PARD3: variants seen among roughly 807,000 people sequenced by gnomAD.
The protein encoded by PARD3 is par-3 family cell polarity regulator.
Under a neutral mutation model 155.4 loss-of-function variants are expected in PARD3, and 75 were observed. That is an observed-to-expected ratio of 0.48 (90% CI 0.40 to 0.58). The LOEUF is 0.58. Among genes scored for constraint, PARD3 ranks in the 20% least tolerant of loss-of-function variants. The probability of loss-of-function intolerance (pLI) is 0.00; values close to 1 mark genes in which losing one functional copy is unlikely to be tolerated. For missense variants in PARD3, 1,642 were observed against 1,721.7 expected (o/e 0.95, Z 0.82); for synonymous variants, 576 against 610.5 (o/e 0.94, Z 0.83).
At position 34,227,883 on chromosome 10, in the gene PARD3, T is replaced by TATATATATATATAC. The variant is rs1491222875; in HGVS notation, c.3419+41773_3419+41774insGTATATATATATAT. On this transcript the variant is annotated intron_variant, in intron 22 of 24. Transcript: ENST00000374788. ...ATATATATATATATATATATATATATACTGGGAATATATATGTATATATAA... is the reference window on the plus strand; with the variant it reads ...ATATATATATATATATATATATATATATATATATATATACACTGGGAATATATATGTATATATAA... 1.1e-3 allele frequency among the ~76,000 whole-genome samples: 140 copies of TATATATATATATAC among 130,408 alleles called. 2 individuals are homozygous for TATATATATATATAC. The highest frequency in any genetic ancestry group is 3.9e-3 in the African/African-American group (132 of 34,274). 85.6% of individuals were successfully genotyped at this position (130,408 alleles called of 152,430 possible). A position where few individuals can be genotyped will look rare whatever the true frequency, so the allele number is the denominator to read the frequency against.
intron 2 of PARD3, among the ~76,000 whole-genome samples, chr10:34,572,825 A>AT (rs2086541583): frequency 6.6e-6 from 1 of 152,092 alleles, no homozygotes. Flanking sequence ...AGCTATAGAT[A>AT]AAACATAACA....
chr10:34,147,131 T>C (rs1948550076), intron 22 of PARD3, among the ~76,000 whole-genome samples: 1 of 152,146 alleles, frequency 6.6e-6, no homozygotes, highest in African/African-American at 2.4e-5. Flanking sequence ...CATGACTCAC[T>C]GTTGAGTACT....
chr10:34,160,186 G>C (rs1314578301), intron 22 of PARD3, among the ~76,000 whole-genome samples: 1 of 152,186 alleles, frequency 6.6e-6, no homozygotes, highest in African/African-American at 2.4e-5. Flanking sequence ...GAACCATAAA[G>C]TAAGGTTCAG....
chr10:34,206,519 A>C (rs1466832681), intron 22 of PARD3, among the ~76,000 whole-genome samples: 1 of 152,066 alleles, frequency 6.6e-6, no homozygotes, highest in Non-Finnish European at 1.5e-5. Flanking sequence ...TCAGGAAAGA[A>C]CTCCAGAGCC....
At chr10:34,221,463 T>C (rs1348077327) in intron 22 of PARD3, among the ~76,000 whole-genome samples, 2 of 151,454 alleles carry the variant, frequency 1.3e-5, no homozygotes, top group Non-Finnish European at 2.9e-5. Context: ...GATATATGTA[T>C]AGGTGGTGGA....
chr10:34,166,430 C>T (rs56000877), intron 22 of PARD3, among the ~76,000 whole-genome samples: 10,263 of 151,972 alleles, frequency 0.068, 884 homozygotes, highest in East Asian at 0.28. Context: ...CTGGGTAACA[C>T]AGTGAGATCC....
At chr10:34,435,056 C>T (rs1016196733) in intron 5 of PARD3, among the ~76,000 whole-genome samples, 2 of 152,160 alleles carry the variant, frequency 1.3e-5, no homozygotes, top group Non-Finnish European at 2.9e-5. Context: ...GACATTTAAA[C>T]ATTCTGTCAT....
intron 2 of PARD3, among the ~76,000 whole-genome samples, chr10:34,652,726 T>A (rs1433305107): frequency 3.3e-5 from 5 of 152,170 alleles, no homozygotes; most frequent in Non-Finnish European, 7.3e-5. Flanking sequence ...GAAGACTCCA[T>A]GAGGAAAAGA....
chr10:34,737,652 C>T (rs561318445), intron 1 of PARD3, among the ~76,000 whole-genome samples: 3 of 152,186 alleles, frequency 2.0e-5, no homozygotes, highest in Non-Finnish European at 4.4e-5. Context: ...TCGGCTCCCC[C>T]ACCACGTGAG....
At chr10:34,790,487 ATCC>A (rs1841498080) in intron 1 of PARD3, among the ~76,000 whole-genome samples, 1 of 152,212 alleles carries the variant, frequency 6.6e-6, no homozygotes, top group Non-Finnish European at 1.5e-5. Context: ...CCAGACTGAA[ATCC>A]TCCTATCCTT....
intron 1 of PARD3, among the ~76,000 whole-genome samples, chr10:34,701,774 G>A (rs2094284297): frequency 1.3e-5 from 2 of 152,150 alleles, no homozygotes; most frequent in Admixed American, 1.3e-4. Context: ...GTGTGCACCT[G>A]TGCCCATAGT....
intron 2 of PARD3, among the ~76,000 whole-genome samples, chr10:34,629,996 T>A (rs900401783): frequency 2.0e-5 from 3 of 152,108 alleles, no homozygotes; most frequent in Non-Finnish European, 4.4e-5. Flanking sequence ...CCAACTGTGG[T>A]CAGCGAAACA....
At chr10:34,685,769 T>C (rs1302397439) in intron 2 of PARD3, among the ~76,000 whole-genome samples, 8 of 152,090 alleles carry the variant, frequency 5.3e-5, no homozygotes, top group Non-Finnish European at 1.2e-4. Flanking sequence ...AATTTTTGTA[T>C]TTTTAGTAGA....
At chr10:34,537,674 G>A (rs952760849) in intron 2 of PARD3, among the ~76,000 whole-genome samples, 3 of 152,182 alleles carry the variant, frequency 2.0e-5, no homozygotes, top group Non-Finnish European at 2.9e-5. Flanking sequence ...ACAGACCATG[G>A]TAATAAGGAG....
chr10:34,507,806 C>G (rs1391210533), intron 3 of PARD3, among the ~76,000 whole-genome samples: 2 of 152,110 alleles, frequency 1.3e-5, no homozygotes, highest in Non-Finnish European at 2.9e-5. Context: ...TACAACAAAA[C>G]TGGATGGGTT....
chr10:34,756,706 A>C (rs1385014221), intron 1 of PARD3, among the ~76,000 whole-genome samples: 2 of 152,066 alleles, frequency 1.3e-5, no homozygotes, highest in African/African-American at 2.4e-5. Flanking sequence ...CTCCCGCCTC[A>C]GCCTCCTTAA....
chr10:34,669,489 G>C (rs569561773), intron 2 of PARD3, among the ~76,000 whole-genome samples: 5 of 152,218 alleles, frequency 3.3e-5, no homozygotes, highest in African/African-American at 1.2e-4. Flanking sequence ...AGTACTTAAT[G>C]GGTACAGCAA....
chr10:34,385,959 T>C (rs1398088240), intron 7 of PARD3, among the ~76,000 whole-genome samples: 3 of 152,204 alleles, frequency 2.0e-5, no homozygotes, highest in Non-Finnish European at 2.9e-5. Context: ...GTGAATAGAA[T>C]TTAGATTCAG....
intron 22 of PARD3, among the ~76,000 whole-genome samples, chr10:34,234,259 C>T (rs1953097335): frequency 2.0e-5 from 3 of 150,570 alleles, no homozygotes; most frequent in Admixed American, 2.0e-4. Context: ...GATACAACTA[C>T]TTTGTAATCA....
Sources: allele counts gnomAD v4.1 joint callset (sites outside exome capture counted in the v4.1 genomes callset), GRCh38; gene constraint gnomAD v4.1.1; transcripts MANE v1.5; gene names NCBI Gene and HGNC (gene_info 2026-07-23, HGNC 2026-07-21).